The following CDC42BPB variants were observed in gnomAD, a reference collection of about 807,000 sequenced individuals.
CDC42BPB encodes the protein serine/threonine-protein kinase MRCK beta.
Under a neutral mutation model 214.9 loss-of-function variants are expected in CDC42BPB, and 37 were observed. The ratio of observed to expected loss-of-function variants is 0.17; its 90% CI spans 0.13 to 0.23. CDC42BPB has a LOEUF of 0.23. CDC42BPB is among the 10% of genes least tolerant of loss of function. The probability of loss-of-function intolerance (pLI) is 1.00; values close to 1 mark genes in which losing one functional copy is unlikely to be tolerated. For missense variants in CDC42BPB, 1,694 were observed against 2,227.0 expected (o/e 0.76, Z 4.82); for synonymous variants, 931 against 884.0 (o/e 1.05, Z -0.94).
At chr14:102,941,031 G>A in intron 30 of CDC42BPB, 7 of 815,704 alleles carry the variant, frequency 8.6e-6, no homozygotes, top group Non-Finnish European at 1.0e-5. Context: ...AAAGCCTTTG[G>A]CCATTTGGAG....
intron 2 of CDC42BPB, among the ~76,000 whole-genome samples, chr14:103,010,397 G>A (rs1005359272): frequency 5.9e-5 from 9 of 152,336 alleles, no homozygotes; most frequent in African/African-American, 1.2e-4. Context: ...CTCCGGGCAC[G>A]ATGGGACGAG....
At chr14:103,021,574 T>C (rs1886774988) in intron 1 of CDC42BPB, among the ~76,000 whole-genome samples, 1 of 151,518 alleles carries the variant, frequency 6.6e-6, no homozygotes, top group African/African-American at 2.4e-5. Context: ...TCCCAGCTAC[T>C]TGGGAGGCTG....
At chr14:103,023,828 G>C (rs983732085) in intron 1 of CDC42BPB, among the ~76,000 whole-genome samples, 1 of 151,958 alleles carries the variant, frequency 6.6e-6, no homozygotes, top group Non-Finnish European at 1.5e-5. Context: ...TTTGCAGCTC[G>C]CCAAACAGAG....
intron 20 of CDC42BPB, among the ~76,000 whole-genome samples, chr14:102,960,927 G>A (rs61103387): frequency 0.011 from 1,626 of 152,172 alleles, 31 homozygotes; most frequent in African/African-American, 0.037. Context: ...TGGGAGACAC[G>A]GCAGTCAGAT....
intron 20 of CDC42BPB, among the ~76,000 whole-genome samples, chr14:102,960,699 C>T (rs1892919655): frequency 6.6e-6 from 1 of 152,174 alleles, no homozygotes; most frequent in African/African-American, 2.4e-5. Flanking sequence ...GAAACAGACC[C>T]AAGCCCATGG....
At chr14:103,039,938 T>A (rs1164013791) in intron 1 of CDC42BPB, among the ~76,000 whole-genome samples, 1 of 152,088 alleles carries the variant, frequency 6.6e-6, no homozygotes, top group Non-Finnish European at 1.5e-5. Context: ...GTTCAGCAAT[T>A]TTGCAGGATA....
chr14:102,935,380 A>G (rs984914324), intron 36 of CDC42BPB, among the ~76,000 whole-genome samples: 1 of 152,252 alleles, frequency 6.6e-6, no homozygotes, highest in African/African-American at 2.4e-5. Context: ...ATAGCTAGGA[A>G]TAGTTTAACC....
intron 13 of CDC42BPB, among the ~76,000 whole-genome samples, chr14:102,970,877 A>G (rs1488539315): frequency 6.6e-6 from 1 of 152,254 alleles, no homozygotes. Flanking sequence ...TAAAGAACAA[A>G]GAGCCCTGAA....
chr14:102,973,637 GACGGCCACCATGCCCTGTGC>G (rs536858178), intron 12 of CDC42BPB, among the ~76,000 whole-genome samples: 2,992 of 152,084 alleles, frequency 0.02, 44 homozygotes, highest in Non-Finnish European at 0.033. Flanking sequence ...ATGCCCTGTG[GACGGCCACCATGCCCTGTGC>G]ACGGCCACCA....
intron 1 of CDC42BPB, among the ~76,000 whole-genome samples, chr14:103,052,519 A>G (rs1432888675): frequency 3.3e-5 from 5 of 152,070 alleles, no homozygotes; most frequent in East Asian, 1.9e-4. Context: ...TCCCACTCAC[A>G]CCTTGGGCTG....
rs558070863 is a variant in CDC42BPB, at chr14:103,014,790, A to G, written c.176-2602T>C. Among the ~76,000 whole-genome samples the G allele has an allele frequency of 1.4e-3, 214 of 152,204 alleles. 1 individual carries two copies. The highest frequency in any genetic ancestry group is 4.9e-3 in the African/African-American group (203 of 41,532). On this transcript the variant is annotated intron_variant, in intron 1 of 36. Transcript: ENST00000361246. ...AGTCCTGAGTTATTAAAAAAGAAAG[A>G]AAGGCCAGGCTGAAGAAAACCCTTG... is the stretch of plus-strand genomic sequence containing the variant.
At chr14:103,012,812 T>C (rs1595144633) in intron 1 of CDC42BPB, among the ~76,000 whole-genome samples, 1 of 151,522 alleles carries the variant, frequency 6.6e-6, no homozygotes, top group South Asian at 2.1e-4. Flanking sequence ...CTCAGAAAAA[T>C]AAATAAATAA....
chr14:103,026,853 G>C (rs1320804940), intron 1 of CDC42BPB, among the ~76,000 whole-genome samples: 1 of 151,102 alleles, frequency 6.6e-6, no homozygotes, highest in Non-Finnish European at 1.5e-5. Flanking sequence ...GGGCGACAGA[G>C]TGAGACTCCG....
chr14:102,950,054 T>G, intron 25 of CDC42BPB, 150 bp from the exon 26 acceptor site: 1 of 1,472,784 alleles, frequency 6.8e-7, no homozygotes. Context: ...GCTCAAGGCG[T>G]TGCTGGGGAG....
At chr14:102,974,291 C>CACACACACACACAT in intron 11 of CDC42BPB, 142 bp from the exon 12 acceptor site, 1 of 1,424,528 alleles carries the variant, frequency 7.0e-7, no homozygotes, top group African/African-American at 1.5e-5. Context: ...TACACACACA[C>CACACACACACACAT]ACACACACAC....
At chr14:102,983,173 C>G (rs1337122534) in intron 7 of CDC42BPB, among the ~76,000 whole-genome samples, 1 of 152,180 alleles carries the variant, frequency 6.6e-6, no homozygotes, top group Non-Finnish European at 1.5e-5. Context: ...AAGGGCCCAC[C>G]TGGACCTCCC....
At chr14:103,015,127 A>G (rs530846653) in intron 1 of CDC42BPB, among the ~76,000 whole-genome samples, 4 of 152,336 alleles carry the variant, frequency 2.6e-5, no homozygotes, top group Admixed American at 1.3e-4. Context: ...CTTCGAGGCA[A>G]GCCTGGGGTG....
chr14:102,999,439 G>T, intron 5 of CDC42BPB, 126 bp downstream of exon 5: 1 of 828,652 alleles, frequency 1.2e-6, no homozygotes, highest in Non-Finnish European at 2.0e-6. Flanking sequence ...AGTCTGTGCT[G>T]CGGCAGCTCA....
At chr14:103,011,422 CA>C (rs544435852) in intron 2 of CDC42BPB, among the ~76,000 whole-genome samples, 198 of 152,240 alleles carry the variant, frequency 1.3e-3, no homozygotes, top group African/African-American at 4.5e-3. Context: ...ATTCAATTAA[CA>C]AATGGAGTTT....
Sources: allele counts gnomAD v4.1 joint callset (sites outside exome capture counted in the v4.1 genomes callset), GRCh38; gene constraint gnomAD v4.1.1; transcripts MANE v1.5; gene names NCBI Gene and HGNC (gene_info 2026-07-23, HGNC 2026-07-21).